Variants in NEGR1 observed in about 807,000 individuals in gnomAD.
NEGR1 encodes the protein IgLON family member 4.
NEGR1 carries 10 observed loss-of-function variants against 40.9 expected under a neutral mutation model. That is an observed-to-expected ratio of 0.24 (90% CI 0.15 to 0.42). The LOEUF is 0.42. Among genes scored for constraint, NEGR1 ranks in the 10% least tolerant of loss-of-function variants. NEGR1 has a pLI of 1.00. For synonymous variants in NEGR1, 185 were observed against 166.8 expected, an observed-to-expected ratio of 1.11 and a Z score of -0.84; for missense variants, 352 against 438.9, an observed-to-expected ratio of 0.80 and a Z score of 1.77.
chr1:71,860,272 G>A (rs1218513587), intron 2 of NEGR1, among the ~76,000 whole-genome samples: 1 of 151,676 alleles, frequency 6.6e-6, no homozygotes, highest in African/African-American at 2.4e-5. Context: ...TTGTTTTATA[G>A]CATTTCTGAG....
At chr1:71,615,217 G>A (rs1391482038) in intron 4 of NEGR1, among the ~76,000 whole-genome samples, 3 of 151,896 alleles carry the variant, frequency 2.0e-5, no homozygotes, top group Non-Finnish European at 4.4e-5. Flanking sequence ...AAAAAGAAAA[G>A]GATTCATCCA....
chr1:71,908,256 G>C (rs1295007888), intron 2 of NEGR1, among the ~76,000 whole-genome samples: 2 of 150,228 alleles, frequency 1.3e-5, no homozygotes, highest in Non-Finnish European at 3.0e-5. Context: ...TCTCAGCAAA[G>C]AGGAATGTTC....
intron 1 of NEGR1, among the ~76,000 whole-genome samples, chr1:72,081,333 T>C (rs1647988571): frequency 6.6e-6 from 1 of 152,074 alleles, no homozygotes; most frequent in African/African-American, 2.4e-5. Flanking sequence ...GATAAAGTTT[T>C]CCCACTCCCA....
chr1:71,698,701 C>T (rs1156379152), intron 3 of NEGR1, among the ~76,000 whole-genome samples: 1 of 151,818 alleles, frequency 6.6e-6, no homozygotes, highest in Non-Finnish European at 1.5e-5. Context: ...ATATATAACT[C>T]ACGCAATAAA....
chr1:72,029,957 TA>T (rs1467307280), intron 1 of NEGR1, among the ~76,000 whole-genome samples: 3 of 152,090 alleles, frequency 2.0e-5, no homozygotes, highest in Non-Finnish European at 4.4e-5. Flanking sequence ...AAACATGCTC[TA>T]AAAATTGTTA....
intron 3 of NEGR1, among the ~76,000 whole-genome samples, chr1:71,724,231 C>G (rs560224941): frequency 6.6e-6 from 1 of 152,098 alleles, no homozygotes; most frequent in African/African-American, 2.4e-5. Context: ...TTAAATTTTT[C>G]TTATGCAATT....
At chr1:71,724,826 C>T (rs1654621478) in intron 3 of NEGR1, among the ~76,000 whole-genome samples, 1 of 151,942 alleles carries the variant, frequency 6.6e-6, no homozygotes. Flanking sequence ...CTCTCTCTCT[C>T]ATTTTCTTCT....
chr1:72,257,119 G>A (rs908912201), intron 1 of NEGR1, among the ~76,000 whole-genome samples: 21 of 151,936 alleles, frequency 1.4e-4, no homozygotes, highest in African/African-American at 4.8e-4. Flanking sequence ...TCAGGAGATT[G>A]AGACCATCCC....
intron 2 of NEGR1, among the ~76,000 whole-genome samples, chr1:71,813,395 C>T (rs553880408): frequency 1.4e-4 from 22 of 151,902 alleles, no homozygotes; most frequent in East Asian, 1.9e-4. Flanking sequence ...TTTTTGTTTA[C>T]GGTTGTCTTC....
chr1:71,750,288 C>T lies in NEGR1; in HGVS notation c.535+25884G>A, dbSNP rs369034911. Among the ~76,000 whole-genome samples, 6 of 152,170 alleles carry T rather than the reference C, an allele frequency of 3.9e-5. No homozygotes were observed. In the East Asian group the frequency reaches 5.8e-4, roughly 15 times the overall value. On this transcript the variant is annotated intron_variant, in intron 3 of 6. Coordinates refer to ENST00000357731, the MANE Select transcript of NEGR1 (RefSeq NM_173808.3). ...GATTACAGGCGTGAGCCACCGCGCC[C>T]GGCCCTGCTCCTTTCTTTTGGACGA...
intron 1 of NEGR1, among the ~76,000 whole-genome samples, chr1:72,127,202 C>T (rs755113841): frequency 6.6e-6 from 1 of 152,022 alleles, no homozygotes; most frequent in Admixed American, 6.5e-5. Context: ...GCCTGTAATC[C>T]GCCCGTAATC....
At chr1:71,676,137 T>C (rs1557609059) in intron 4 of NEGR1, among the ~76,000 whole-genome samples, 1 of 152,182 alleles carries the variant, frequency 6.6e-6, no homozygotes, top group East Asian at 1.9e-4. Flanking sequence ...TTGTAAGGTC[T>C]AAATTTTAAT....
At chr1:71,556,844 T>C (rs12725196) in intron 6 of NEGR1, among the ~76,000 whole-genome samples, 5,491 of 151,752 alleles carry the variant, frequency 0.036, 144 homozygotes, top group Non-Finnish European at 0.058. Flanking sequence ...TCTTTTATTA[T>C]GACCACATAT....
intron 2 of NEGR1, among the ~76,000 whole-genome samples, chr1:71,915,072 C>T (rs574805329): frequency 3.3e-5 from 5 of 151,924 alleles, no homozygotes; most frequent in African/African-American, 4.8e-5. Flanking sequence ...TCTCTCATTA[C>T]GACTGTTAGA....
intron 1 of NEGR1, among the ~76,000 whole-genome samples, chr1:72,113,502 A>G (rs532815471): frequency 6.6e-6 from 1 of 151,540 alleles, no homozygotes; most frequent in Admixed American, 6.6e-5. Flanking sequence ...TTAGAAATAT[A>G]TATGTTTAGA....
chr1:71,879,007 C>T (rs1660509275), intron 2 of NEGR1, among the ~76,000 whole-genome samples: 1 of 151,930 alleles, frequency 6.6e-6, no homozygotes, highest in Non-Finnish European at 1.5e-5. Flanking sequence ...GTGGTGCATG[C>T]CTGTAATCTC....
intron 5 of NEGR1, among the ~76,000 whole-genome samples, chr1:71,593,637 C>A (rs1649579869): frequency 6.6e-6 from 1 of 152,156 alleles, no homozygotes; most frequent in Non-Finnish European, 1.5e-5. Context: ...TTCAGCTATA[C>A]CCAAATTCAA....
chr1:72,265,220 A>G (rs1430870306), intron 1 of NEGR1, among the ~76,000 whole-genome samples: 2 of 150,984 alleles, frequency 1.3e-5, no homozygotes, highest in Admixed American at 1.3e-4. Flanking sequence ...CTGTTTAACC[A>G]CCAACCTATC....
chr1:71,588,724 T>C (rs1649395980), intron 6 of NEGR1, among the ~76,000 whole-genome samples: 1 of 152,236 alleles, frequency 6.6e-6, no homozygotes, highest in Non-Finnish European at 1.5e-5. Context: ...AAATCAAAAC[T>C]TTTGCTTATT....
Sources: gnomAD v4.1 joint callset for allele counts (sites outside exome capture counted in the v4.1 genomes callset) on GRCh38, gnomAD v4.1.1 for gene constraint, MANE v1.5 for transcripts, NCBI Gene and HGNC (gene_info 2026-07-23, HGNC 2026-07-21) for gene names.